SOCS2: variants seen among roughly 807,000 people sequenced by gnomAD.
SOCS2 encodes the protein suppressor of cytokine signaling 2.
In SOCS2, 10 loss-of-function variants were observed where a neutral mutation model predicts 18.6. The ratio of observed to expected loss-of-function variants is 0.54; its 90% CI spans 0.33 to 0.91. The LOEUF is 0.91. Ranked by LOEUF, SOCS2 falls within the 40% of genes least tolerant of loss-of-function variation. SOCS2 has a pLI of 0.02. For synonymous variants in SOCS2, 104 were observed against 104.0 expected, an observed-to-expected ratio of 1.00 and a Z score of 0.00; for missense variants, 231 against 247.2, an observed-to-expected ratio of 0.93 and a Z score of 0.44.
chr12:93,579,320 A>C (rs531096787), downstream of SOCS2, among the ~76,000 whole-genome samples: 19 of 152,330 alleles, frequency 1.2e-4, no homozygotes, highest in African/African-American at 4.6e-4. Context: ...GAGGATAATT[A>C]TACTCTCCTT....
At chr12:93,621,937 G>T in the SOCS2 span, among the ~76,000 whole-genome samples, 1 of 152,168 alleles carries the variant, frequency 6.6e-6, no homozygotes, top group Admixed American at 6.5e-5. Flanking sequence ...CACATATTAA[G>T]TGTGATGTGA....
chr12:93,620,364 G>A, the SOCS2 span, among the ~76,000 whole-genome samples: 4 of 152,012 alleles, frequency 2.6e-5, no homozygotes, highest in Admixed American at 2.6e-4. Flanking sequence ...ATCCCCCATC[G>A]CCTCAATATC....
chr12:93,624,851 C>A, the SOCS2 span, among the ~76,000 whole-genome samples: 1 of 152,078 alleles, frequency 6.6e-6, no homozygotes, highest in Non-Finnish European at 1.5e-5. Flanking sequence ...AAGATAGAAC[C>A]CTAAAACAAG....
upstream of SOCS2, chr12:93,572,511 CTT>C (rs916125127): frequency 2.5e-6 from 1 of 398,254 alleles, no homozygotes; most frequent in South Asian, 2.1e-5. This position sits in a 1 kb window ranked among gnomAD's most constrained non-coding sequence, Gnocchi z 5.0. Flanking sequence ...TCTCTGCTCT[CTT>C]TATCTTTTCT....
the SOCS2 span, among the ~76,000 whole-genome samples, chr12:93,614,465 TCC>T: frequency 1.1e-5 from 1 of 94,810 alleles, no homozygotes; most frequent in East Asian, 3.6e-4. Flanking sequence ...CTTCCTTCCT[TCC>T]TTCCTTCCTT....
the SOCS2 span, among the ~76,000 whole-genome samples, chr12:93,605,587 C>G: frequency 6.6e-6 from 1 of 152,192 alleles, no homozygotes; most frequent in Non-Finnish European, 1.5e-5. Flanking sequence ...CTTAGAAATG[C>G]ACCTCCTCCG....
chr12:93,574,623 G>C (rs11107112), intron 1 of SOCS2, 99 bp from the exon 2 acceptor site: 2 of 724,152 alleles, frequency 2.8e-6, no homozygotes, highest in Non-Finnish European at 4.0e-6. Flanking sequence ...TTCTTTTTTA[G>C]AGCTAAAAAA....
the SOCS2 span, among the ~76,000 whole-genome samples, chr12:93,597,746 G>T: frequency 6.6e-6 from 1 of 152,138 alleles, no homozygotes; most frequent in South Asian, 2.1e-4. Context: ...AATAAATATT[G>T]TTGTACTTCC....
At chr12:93,595,909 T>A in the SOCS2 span, among the ~76,000 whole-genome samples, 1 of 147,730 alleles carries the variant, frequency 6.8e-6, no homozygotes, top group South Asian at 2.1e-4. Flanking sequence ...TGTTTTTAAT[T>A]TTTTTTTATG....
chr12:93,613,888 T>TA, the SOCS2 span, among the ~76,000 whole-genome samples: 2 of 152,014 alleles, frequency 1.3e-5, no homozygotes, highest in Non-Finnish European at 2.9e-5. Flanking sequence ...CAATAGGCAA[T>TA]AAAAAAATAA....
chr12:93,615,954 A>C, the SOCS2 span, among the ~76,000 whole-genome samples: 1 of 152,342 alleles, frequency 6.6e-6, no homozygotes. Context: ...CTTATTTTAC[A>C]GATAAACCAG....
the SOCS2 span, among the ~76,000 whole-genome samples, chr12:93,620,896 T>G: frequency 1.3e-5 from 2 of 152,248 alleles, no homozygotes; most frequent in African/African-American, 4.8e-5. Context: ...TCCTGGTATA[T>G]GCAGATAGAT....
At chr12:93,593,179 G>A in the SOCS2 span, among the ~76,000 whole-genome samples, 1 of 152,136 alleles carries the variant, frequency 6.6e-6, no homozygotes, top group Admixed American at 6.5e-5. Flanking sequence ...CTGGAAGGTG[G>A]TTCTGGAGAG....
At chr12:93,615,528 T>G in the SOCS2 span, among the ~76,000 whole-genome samples, 4 of 152,200 alleles carry the variant, frequency 2.6e-5, no homozygotes, top group Non-Finnish European at 5.9e-5. Context: ...TAAGGTATTC[T>G]CCTCTGAGAA....
At chr12:93,614,540 C>CT in the SOCS2 span, among the ~76,000 whole-genome samples, 16 of 37,142 alleles carry the variant, frequency 4.3e-4, no homozygotes, top group South Asian at 1.0e-3. Context: ...TCCTTCCTTC[C>CT]TTCTTTCTTT....
chr12:93,586,046 C>CT (rs1228902543), downstream of SOCS2, among the ~76,000 whole-genome samples: 3 of 151,630 alleles, frequency 2.0e-5, no homozygotes, highest in African/African-American at 4.8e-5. Flanking sequence ...TTTTTTATTG[C>CT]TTTTTTTTCC....
At chr12:93,617,035 A>G in the SOCS2 span, among the ~76,000 whole-genome samples, 1 of 152,200 alleles carries the variant, frequency 6.6e-6, no homozygotes, top group Non-Finnish European at 1.5e-5. Flanking sequence ...ATGCAAACCC[A>G]GTACTACCGA....
the SOCS2 span, among the ~76,000 whole-genome samples, chr12:93,614,473 TCC>T: frequency 3.3e-5 from 3 of 91,186 alleles, no homozygotes; most frequent in South Asian, 7.3e-4. Context: ...CTTCCTTCCT[TCC>T]TTCCTTTCCT....
chr12:93,593,023 C>T, the SOCS2 span, among the ~76,000 whole-genome samples: 2 of 151,270 alleles, frequency 1.3e-5, no homozygotes, highest in East Asian at 3.9e-4. Context: ...TCTCCAGTTC[C>T]CTACTCTCTG....
Sources: allele counts gnomAD v4.1 joint callset (sites outside exome capture counted in the v4.1 genomes callset), GRCh38; gene constraint gnomAD v4.1.1; non-coding constraint Gnocchi (gnomAD v3.1); transcripts MANE v1.5; gene names NCBI Gene and HGNC (gene_info 2026-07-23, HGNC 2026-07-21).